The following ZFYVE9 variants were observed in gnomAD, a reference collection of about 807,000 sequenced individuals.
ZFYVE9 encodes zinc finger FYVE domain-containing protein 9.
A neutral mutation model predicts 126.7 loss-of-function variants in ZFYVE9; 43 were observed. The observed-to-expected ratio is 0.34, with a 90% CI of 0.27 to 0.44. The LOEUF (loss-of-function observed/expected upper bound fraction) is 0.44, where lower values mean the gene tolerates loss of function less well. ZFYVE9 is among the 20% of genes least tolerant of loss of function. ZFYVE9 has a pLI of 1.00. For synonymous variants in ZFYVE9, 521 were observed against 597.4 expected, an observed-to-expected ratio of 0.87 and a Z score of 1.87; for missense variants, 1,476 against 1,697.0, an observed-to-expected ratio of 0.87 and a Z score of 2.29.
Position 52,181,044 on chromosome 1 carries a change from G to GTCCCTCTCCCTC in ZFYVE9, c.-142-35306_-142-35295dup, listed in dbSNP as rs372738053. ...AATTCTGTTAAATATTTTGGAACTC[G>GTCCCTCTCCCTC]TCCCTCTCCCTCTCCCTCTCCCTCT... On this transcript the variant is annotated intron_variant, in intron 1 of 18. Coordinates refer to ENST00000287727, the MANE Select transcript of ZFYVE9 (RefSeq NM_004799.4). Among the ~76,000 whole-genome samples the GTCCCTCTCCCTC allele has an allele frequency of 5.4e-3, 805 of 148,244 alleles. 15 individuals are homozygous for GTCCCTCTCCCTC. The highest frequency in any genetic ancestry group is 0.019 in the African/African-American group (762 of 39,528).
intron 8 of ZFYVE9, among the ~76,000 whole-genome samples, chr1:52,275,589 G>T (rs534027579): frequency 1.3e-5 from 2 of 152,244 alleles, no homozygotes; most frequent in African/African-American, 4.8e-5. Context: ...ATTCTGACTG[G>T]TGTGAGTTGA....
chr1:52,152,730 T>G (rs958931355), intron 1 of ZFYVE9, among the ~76,000 whole-genome samples: 9 of 152,218 alleles, frequency 5.9e-5, no homozygotes, highest in Admixed American at 2.6e-4. Flanking sequence ...AATAACTTCT[T>G]TGTGCTTCAG....
At chr1:52,222,112 C>T (rs1645129280) in intron 2 of ZFYVE9, among the ~76,000 whole-genome samples, 2 of 152,108 alleles carry the variant, frequency 1.3e-5, no homozygotes, top group African/African-American at 2.4e-5. Flanking sequence ...AGACCTGTAA[C>T]CCTTGTTCCC....
chr1:52,306,769 T>G (rs909709252), intron 13 of ZFYVE9, among the ~76,000 whole-genome samples: 3 of 152,232 alleles, frequency 2.0e-5, no homozygotes, highest in Non-Finnish European at 4.4e-5. Context: ...GGAAGCTGCT[T>G]GCGGTGCACC....
At chr1:52,211,039 G>T (rs866957057) in intron 1 of ZFYVE9, among the ~76,000 whole-genome samples, 57 of 152,178 alleles carry the variant, frequency 3.7e-4, no homozygotes, top group African/African-American at 1.4e-3. Context: ...TCATTCACAT[G>T]TGTAGAGATT....
chr1:52,195,701 G>A (rs1644853163), intron 1 of ZFYVE9, among the ~76,000 whole-genome samples: 1 of 151,758 alleles, frequency 6.6e-6, no homozygotes, highest in Non-Finnish European at 1.5e-5. Flanking sequence ...TTTTATTTTG[G>A]ACACAGAGTA....
intron 1 of ZFYVE9, among the ~76,000 whole-genome samples, chr1:52,185,659 C>T (rs930427931): frequency 6.6e-6 from 1 of 152,184 alleles, no homozygotes; most frequent in African/African-American, 2.4e-5. Flanking sequence ...CACGGTGGCT[C>T]ACGCCTGTAA....
chr1:52,322,836 G>A (rs544157677), intron 13 of ZFYVE9, among the ~76,000 whole-genome samples: 116 of 151,400 alleles, frequency 7.7e-4, no homozygotes, highest in African/African-American at 2.3e-3. Flanking sequence ...ACAGAGTCTC[G>A]CTCTATCGCC....
At chr1:52,282,816 G>T (rs747842820) in intron 10 of ZFYVE9, among the ~76,000 whole-genome samples, 60 of 152,244 alleles carry the variant, frequency 3.9e-4, no homozygotes, top group Non-Finnish European at 7.5e-4. Flanking sequence ...TAGATGTGAG[G>T]ATCTTTTTGA....
intron 1 of ZFYVE9, among the ~76,000 whole-genome samples, chr1:52,215,900 A>G (rs1645068013): frequency 1.3e-5 from 2 of 152,242 alleles, no homozygotes; most frequent in Admixed American, 6.5e-5. Flanking sequence ...TTTGGAGAAA[A>G]AAAACAGTTT....
chr1:52,334,598 G>A (rs562141240), intron 14 of ZFYVE9, 90 bp from the exon 15 acceptor site: 51 of 1,353,080 alleles, frequency 3.8e-5, no homozygotes, highest in Admixed American at 1.9e-4. Context: ...GATGATGGTC[G>A]GAATTCTCAA....
At chr1:52,178,616 A>G (rs915858669) in intron 1 of ZFYVE9, among the ~76,000 whole-genome samples, 4 of 152,040 alleles carry the variant, frequency 2.6e-5, no homozygotes, top group African/African-American at 9.7e-5. Context: ...GGCATGAGCC[A>G]CCTCGCCCGG....
chr1:52,291,042 A>G (rs556035637), intron 10 of ZFYVE9, among the ~76,000 whole-genome samples: 5 of 152,328 alleles, frequency 3.3e-5, no homozygotes, highest in African/African-American at 9.6e-5. Flanking sequence ...TCAAAATGCC[A>G]TACTGCTACG....
At chr1:52,339,478 G>A (rs1459740254) in intron 16 of ZFYVE9, among the ~76,000 whole-genome samples, 1 of 151,976 alleles carries the variant, frequency 6.6e-6, no homozygotes, top group Admixed American at 6.6e-5. Context: ...TTTAGTAGAG[G>A]TAGGGTTTTG....
Position 52,281,750 on chromosome 1 carries a change from G to A in ZFYVE9, c.2959G>A (p.Asp987Asn). 6.2e-7 allele frequency: 1 copy of A among 1,614,196 alleles called. No homozygotes were observed. Among genetic ancestry groups the A allele is most frequent in the Non-Finnish European group, 8.5e-7 (1 of 1,180,032 alleles). ...EIVILLQCLP[D>N]EKCLPKDIFN... ...AGTCATTCTTCTACAGTGTTTACCGGATGAAAAGTGTTTGCCAAAGGATAT... is the reference window on the plus strand; with the variant it reads ...AGTCATTCTTCTACAGTGTTTACCGAATGAAAAGTGTTTGCCAAAGGATAT... Residue 987 changes from aspartate (D) to asparagine (N), a missense_variant, in exon 10 of 19, where the codon GAT becomes AAT. Transcript: ENST00000287727.
intron 1 of ZFYVE9, among the ~76,000 whole-genome samples, chr1:52,193,918 C>T (rs1035629799): frequency 3.3e-5 from 5 of 151,880 alleles, no homozygotes; most frequent in African/African-American, 1.2e-4. Context: ...CTTTATATAA[C>T]TGATAAATAA....
intron 7 of ZFYVE9, among the ~76,000 whole-genome samples, chr1:52,270,242 T>A (rs1437120557): frequency 6.6e-6 from 1 of 152,106 alleles, no homozygotes; most frequent in Non-Finnish European, 1.5e-5. Flanking sequence ...GTCACAATAA[T>A]GTTCTTTATA....
intron 1 of ZFYVE9, among the ~76,000 whole-genome samples, chr1:52,147,705 T>C (rs1644317631): frequency 6.6e-6 from 1 of 152,260 alleles, no homozygotes; most frequent in South Asian, 2.1e-4. Context: ...GGAAATATGC[T>C]TTCATTTCTC....
At chr1:52,221,143 G>C (rs1048141307) in intron 2 of ZFYVE9, among the ~76,000 whole-genome samples, 1 of 152,162 alleles carries the variant, frequency 6.6e-6, no homozygotes, top group African/African-American at 2.4e-5. Context: ...TTAAGGCTTG[G>C]TTTAATGCAA....
Sources: gnomAD v4.1 joint callset for allele counts (sites outside exome capture counted in the v4.1 genomes callset) on GRCh38, gnomAD v4.1.1 for gene constraint, MANE v1.5 for transcripts, NCBI Gene and HGNC (gene_info 2026-07-23, HGNC 2026-07-21) for gene names.